PAK6: variants seen among roughly 807,000 people sequenced by gnomAD.
PAK6 encodes the protein serine/threonine-protein kinase PAK 6.
In PAK6, 33 loss-of-function variants were observed where a neutral mutation model predicts 60.8. The ratio of observed to expected loss-of-function variants is 0.54; its 90% CI spans 0.41 to 0.73. The LOEUF (loss-of-function observed/expected upper bound fraction) is 0.73, where lower values mean the gene tolerates loss of function less well. PAK6 is among the 30% of genes least tolerant of loss of function. The pLI, the probability that PAK6 is intolerant of heterozygous loss-of-function variation, is 0.00. For missense variants in PAK6, 845 were observed against 904.1 expected (o/e 0.93, Z 0.84); for synonymous variants, 404 against 378.5 (o/e 1.07, Z -0.78).
intron 2 of PAK6, among the ~76,000 whole-genome samples, chr15:40,241,978 G>C (rs1395852720): frequency 6.6e-6 from 1 of 152,238 alleles, no homozygotes; most frequent in Non-Finnish European, 1.5e-5. Flanking sequence ...AGGTGACTCT[G>C]TGCCTAGGAG....
chr15:40,270,326 T>C (rs1240528296), intron 5 of PAK6, among the ~76,000 whole-genome samples: 38 of 152,178 alleles, frequency 2.5e-4, no homozygotes, highest in Admixed American at 2.2e-3. Flanking sequence ...TGCCCACTTA[T>C]GCAGAGTTTC....
chr15:40,275,280 G>GTTTT lies in PAK6; in HGVS notation c.1879-628_1879-625dup, dbSNP rs869058525. Among the ~76,000 whole-genome samples, 251 of 56,478 alleles carry GTTTT rather than the reference G, an allele frequency of 4.4e-3. 49 individuals are homozygous for GTTTT. Among genetic ancestry groups the GTTTT allele is most frequent in the Admixed American group, 4.8e-3 (17 of 3,530 alleles). The allele number at this position is 56,478 out of a possible 152,430, so 37.1% of individuals were successfully genotyped here. A position where few individuals can be genotyped will look rare whatever the true frequency, so the allele number is the denominator to read the frequency against. On this transcript the variant is annotated intron_variant, in intron 10 of 10. Transcript: ENST00000560346. ...GACTTGTTTGTTTCTGTTGTTGTTG[G>GTTTT]TTTTTTTTTTTTTTTTTTTTTTGGA...
At chr15:40,265,515 T>C (rs1423647863) in intron 4 of PAK6, among the ~76,000 whole-genome samples, 1 of 151,948 alleles carries the variant, frequency 6.6e-6, no homozygotes, top group Non-Finnish European at 1.5e-5. Flanking sequence ...CCCGTGGAGC[T>C]AGAGAATGGA....
chr15:40,259,810 ATTG>A (rs2038937440), intron 3 of PAK6: 3 of 148,418 alleles, frequency 2.0e-5, no homozygotes, highest in Admixed American at 2.0e-4. Flanking sequence ...AAAAAAAAAA[ATTG>A]TTTTTTTTTA....
At chr15:40,256,452 C>T (rs974299302) in intron 3 of PAK6, among the ~76,000 whole-genome samples, 2 of 152,228 alleles carry the variant, frequency 1.3e-5, no homozygotes, top group Admixed American at 1.3e-4. Context: ...CATGTCAGGG[C>T]CCAGCCCTGG....
rs528147076 is a variant in PAK6 at position 40,267,528 on chromosome 15, G to A, written c.858+1033G>A. Among the ~76,000 whole-genome samples, 9 of 152,274 alleles carry A rather than the reference G, an allele frequency of 5.9e-5. No homozygotes were observed. In the South Asian group the frequency reaches 1.0e-3, roughly 18 times the overall value. ...AAAAAAATTAGCCGGGCGCGGTGGC[G>A]GGCGCCTGTAGTCCAAGCTACTCAG... On this transcript the variant is annotated intron_variant, in intron 5 of 10. Coordinates refer to ENST00000560346, the Ensembl canonical transcript of PAK6.
At chr15:40,240,092 C>T (rs2038276963) in intron 1 of PAK6, 1 of 153,624 alleles carries the variant, frequency 6.5e-6, no homozygotes, top group Non-Finnish European at 1.4e-5. Context: ...AGCAAGATGC[C>T]CAGGTAGGAA....
intron 2 of PAK6, 125 bp from the exon 3 acceptor site, chr15:40,253,053 G>T: frequency 2.6e-6 from 1 of 388,176 alleles, no homozygotes. Context: ...TTGCACCTGA[G>T]CCAGGAGTTC....
At chr15:40,252,182 G>T in intron 2 of PAK6, 1 of 923,346 alleles carries the variant, frequency 1.1e-6, no homozygotes, top group Non-Finnish European at 1.4e-6. Flanking sequence ...CAGGATGTGT[G>T]GGTGGGCACA....
chr15:40,253,653 G>C (rs889158620), intron 3 of PAK6, among the ~76,000 whole-genome samples: 4 of 152,240 alleles, frequency 2.6e-5, no homozygotes, highest in African/African-American at 9.6e-5. Context: ...GGTGGTGGCA[G>C]GCCCAGTGGC....
chr15:40,273,198 C>T, intron 7 of PAK6, 148 bp from the exon 8 acceptor site: 1 of 1,162,498 alleles, frequency 8.6e-7, no homozygotes. Context: ...CCCCAGTTTT[C>T]ACCAGGGCTA....
chr15:40,275,980 A>T lies in PAK6; in HGVS notation c.1932A>T (p.Gln644His), dbSNP rs1046341696. 5 of 1,613,348 alleles carry T rather than the reference A, an allele frequency of 3.1e-6. No homozygotes were observed. In the African/African-American group the frequency reaches 5.3e-5, roughly 17 times the overall value. ...AGCGGATGCTGGTGCGGGACCCCCA[A>T]GAGAGAGCCACAGCCCAGGAGCTCC... The change falls in exon 11 of 11, where the codon CAA (glutamine) becomes CAT (histidine). Residue 644 changes from glutamine to histidine, a missense_variant. Physicochemically the swap from Gln to His is conservative, Grantham distance 24 (BLOSUM62 0). Coordinates refer to ENST00000560346, the Ensembl canonical transcript of PAK6.
At chr15:40,246,461 G>A (rs995760245) in intron 2 of PAK6, 10 of 152,212 alleles carry the variant, frequency 6.6e-5, no homozygotes, top group African/African-American at 2.4e-4. Flanking sequence ...GAAAGGTGGG[G>A]AGAAGTAGAG....
At position 40,240,698 on chromosome 15, in the gene PAK6, C is replaced by T. The variant is rs763758781; in HGVS notation, c.-118+17C>T. The T allele has an allele frequency of 1.8e-5, 8 of 439,500 alleles. No homozygotes were observed. Among genetic ancestry groups the T allele is most frequent in the South Asian group, 3.2e-5 (2 of 62,042 alleles). The allele number at this position is 439,500 out of a possible 1,614,324, so 27.2% of individuals were successfully genotyped here. A position where few individuals can be genotyped will look rare whatever the true frequency, so the allele number is the denominator to read the frequency against. On this transcript the variant is annotated intron_variant, in intron 2 of 10. Transcript: ENST00000560346. ...GCAGCCACGGTAAGGTCCCCACTGC[C>T]GCTGCGTGCTCCGGATTCCTGGGCT...
intron 2 of PAK6, among the ~76,000 whole-genome samples, chr15:40,249,803 A>AGTGCCTGCCCCACCCGAT (rs2038611939): frequency 6.6e-6 from 1 of 152,246 alleles, no homozygotes; most frequent in Non-Finnish European, 1.5e-5. Context: ...ATAACCGGGA[A>AGTGCCTGCCCCACCCGAT]GTGCCTGCCC....
Position 40,263,218 on chromosome 15 carries a change from C to T in PAK6, c.-5-1563C>T, listed in dbSNP as rs185098302. On this transcript the variant is annotated intron_variant, in intron 3 of 10. Coordinates refer to ENST00000560346, the Ensembl canonical transcript of PAK6. ...TAGCAAGAGCCAAAAGAGAACATGA[C>T]GGCCCTGCACTCCAGATCTTCGGGC... is the stretch of plus-strand genomic sequence containing the variant. Among the ~76,000 whole-genome samples the T allele has an allele frequency of 4.8e-3, 738 of 152,308 alleles. 4 individuals carry two copies. Among genetic ancestry groups the T allele is most frequent in the Non-Finnish European group, 7.1e-3 (480 of 68,026 alleles).
chr15:40,267,381 C>T (rs1028313288), intron 5 of PAK6, among the ~76,000 whole-genome samples: 9 of 152,136 alleles, frequency 5.9e-5, no homozygotes, highest in African/African-American at 1.4e-4. Flanking sequence ...TGGGCGGCCG[C>T]GCGTGGTGGC....
At chr15:40,264,945 G>T in exon 4 of PAK6, 1 of 1,613,722 alleles carries the variant, frequency 6.2e-7, no homozygotes, top group Non-Finnish European at 8.5e-7. Context: ...CAAGCCCGTG[G>T]TGGACCCTTC....
At chr15:40,268,030 A>G (rs1011047930) in intron 5 of PAK6, among the ~76,000 whole-genome samples, 2 of 152,186 alleles carry the variant, frequency 1.3e-5, no homozygotes, top group Admixed American at 6.5e-5. Context: ...AGGCCTGTCC[A>G]TCCCTGCACA....
Sources: allele counts gnomAD v4.1 joint callset (sites outside exome capture counted in the v4.1 genomes callset), GRCh38; gene constraint gnomAD v4.1.1; transcripts MANE v1.5; gene names NCBI Gene and HGNC (gene_info 2026-07-23, HGNC 2026-07-21).